DPH6: variants seen among roughly 807,000 people sequenced by gnomAD.
The protein encoded by DPH6 is diphthamine biosynthesis 6, also known as diphthine--ammonia ligase.
In DPH6, 33 loss-of-function variants were observed where a neutral mutation model predicts 38.2. The ratio of observed to expected loss-of-function variants is 0.86; its 90% CI spans 0.65 to 1.15. DPH6 has a LOEUF of 1.15. Ranked by LOEUF, DPH6 falls within the 50% of genes most tolerant of loss-of-function variation. DPH6 has a pLI of 0.00. For missense variants in DPH6, 325 were observed against 320.0 expected (o/e 1.02, Z -0.12); for synonymous variants, 108 against 103.0 (o/e 1.05, Z -0.30).
the DPH6 span, among the ~76,000 whole-genome samples, chr15:35,187,445 TGAACA>T: frequency 6.6e-6 from 1 of 152,348 alleles, no homozygotes; most frequent in East Asian, 1.9e-4. Flanking sequence ...CAAAATGAAC[TGAACA>T]GATTTTTTTT....
At chr15:35,179,614 T>A in the DPH6 span, among the ~76,000 whole-genome samples, 1 of 152,340 alleles carries the variant, frequency 6.6e-6, no homozygotes, top group East Asian at 1.9e-4. Context: ...TATTCACATA[T>A]ATGTGCATAC....
chr15:35,541,200 T>C (rs759202477), intron 2 of DPH6, among the ~76,000 whole-genome samples: 20 of 152,146 alleles, frequency 1.3e-4, no homozygotes, highest in Non-Finnish European at 2.6e-4. Flanking sequence ...ATAAAATATT[T>C]CTAAACTCTG....
At chr15:35,496,613 G>A (rs1486219844) in intron 3 of DPH6, among the ~76,000 whole-genome samples, 2 of 107,930 alleles carry the variant, frequency 1.9e-5, no homozygotes, top group African/African-American at 6.3e-5. Context: ...GAATATGAGA[G>A]AGATAAAGAG....
chr15:35,268,204 TAAATAAATAAATAAAAG>T (rs2051796701), intron 3 of DPH6, among the ~76,000 whole-genome samples: 1 of 148,462 alleles, frequency 6.7e-6, no homozygotes, highest in African/African-American at 2.5e-5. Context: ...AATAAATAAA[TAAATAAATAAATAAAAG>T]AAAACTGAAG....
intron 3 of DPH6, among the ~76,000 whole-genome samples, chr15:35,288,118 A>C (rs73393318): frequency 0.031 from 4,646 of 152,242 alleles, 208 homozygotes; most frequent in African/African-American, 0.1. Flanking sequence ...TGTCATGTTC[A>C]TTTTGTCAAC....
intron 6 of DPH6, among the ~76,000 whole-genome samples, chr15:35,397,579 G>C (rs2053152453): frequency 6.6e-6 from 1 of 152,096 alleles, no homozygotes; most frequent in South Asian, 2.1e-4. Context: ...GCCAGCAATG[G>C]GGAATGCTGA....
intron 3 of DPH6, among the ~76,000 whole-genome samples, chr15:35,475,715 C>T (rs544445542): frequency 8.6e-5 from 13 of 151,432 alleles, no homozygotes; most frequent in African/African-American, 3.1e-4. Flanking sequence ...TCCTTAATTT[C>T]CCAATTTAAA....
chr15:35,351,033 T>C (rs1411986957), intron 3 of DPH6, among the ~76,000 whole-genome samples: 1 of 152,186 alleles, frequency 6.6e-6, no homozygotes, highest in African/African-American at 2.4e-5. Context: ...AAAATCTCTA[T>C]CATTATTGTG....
At chr15:35,255,195 A>G (rs940878073) in intron 3 of DPH6, among the ~76,000 whole-genome samples, 17 of 152,218 alleles carry the variant, frequency 1.1e-4, no homozygotes, top group Non-Finnish European at 2.1e-4. Flanking sequence ...TCCTCAGGTG[A>G]CAGCCGAAGA....
chr15:35,337,570 T>C (rs2052383642), intron 3 of DPH6, among the ~76,000 whole-genome samples: 1 of 152,110 alleles, frequency 6.6e-6, no homozygotes, highest in South Asian at 2.1e-4. Context: ...TGCTCATGGG[T>C]AGGAGGAATC....
intron 3 of DPH6, among the ~76,000 whole-genome samples, chr15:35,511,337 C>T (rs112310911): frequency 3.3e-5 from 5 of 151,936 alleles, no homozygotes; most frequent in African/African-American, 7.3e-5. Context: ...TTAACTTAAG[C>T]GTTTAAATTG....
At chr15:35,516,093 T>C (rs2054843097) in intron 3 of DPH6, among the ~76,000 whole-genome samples, 1 of 152,108 alleles carries the variant, frequency 6.6e-6, no homozygotes, top group African/African-American at 2.4e-5. Context: ...TGCACAAACT[T>C]TGAGATCATA....
chr15:35,386,530 C>T (rs371737059), intron 6 of DPH6, among the ~76,000 whole-genome samples: 5,061 of 152,206 alleles, frequency 0.033, 113 homozygotes, highest in Non-Finnish European at 0.049. Context: ...TTTTAATGAT[C>T]GCCATTCTAA....
In DPH6 at chr15:35,522,849, T is replaced by C. The variant is rs75821163; in HGVS notation, c.312+15425A>G. Among the ~76,000 whole-genome samples the C allele has an allele frequency of 3.1e-3, 470 of 152,234 alleles. 3 individuals are homozygous for C. The East Asian group carries it at 0.035, about 11-fold the overall frequency. On this transcript the variant is annotated intron_variant, in intron 3 of 8. Coordinates refer to ENST00000256538, the MANE Select transcript of DPH6 (RefSeq NM_080650.4). The stretch of plus-strand genomic sequence containing the variant: ...TGCATGTACTTACACAAATGCATTG[T>C]AGAAAAATGTTATTATACCATACAG...
the DPH6 span, among the ~76,000 whole-genome samples, chr15:35,194,247 G>A: frequency 6.6e-6 from 1 of 152,036 alleles, no homozygotes; most frequent in Admixed American, 6.6e-5. Context: ...AAGAGCCTGG[G>A]GTTTCCTGAC....
chr15:35,305,550 T>G (rs1885918692), intron 3 of DPH6, among the ~76,000 whole-genome samples: 1 of 152,138 alleles, frequency 6.6e-6, no homozygotes. Context: ...ATCTCTTGAC[T>G]TGCCATAAAA....
In DPH6 at chr15:35,376,700, A is replaced by C. The variant is rs376284681; in HGVS notation, c.663-3092T>G. 3.9e-5 allele frequency among the ~76,000 whole-genome samples: 6 copies of C among 152,168 alleles called. No individual in the cohort carries two copies. The East Asian group carries it at 9.6e-4, about 24-fold the overall frequency. On this transcript the variant is annotated intron_variant, in intron 7 of 8. Transcript: ENST00000256538. Reference sequence around the variant, plus strand: ...TACCATTTAAAAAATTTTTTATATCATATTTTTACTGTACCTTTTCTATGC... The same window carrying C: ...TACCATTTAAAAAATTTTTTATATCCTATTTTTACTGTACCTTTTCTATGC...
intron 3 of DPH6, chr15:35,237,603 T>C: frequency 6.2e-7 from 1 of 1,603,358 alleles, no homozygotes; most frequent in Non-Finnish European, 8.5e-7. Flanking sequence ...CTCACGCATC[T>C]AAATTTATGT....
At chr15:35,232,262 A>T (rs1231306250) in intron 3 of DPH6, among the ~76,000 whole-genome samples, 1 of 152,206 alleles carries the variant, frequency 6.6e-6, no homozygotes, top group Non-Finnish European at 1.5e-5. Context: ...GATCACTAAT[A>T]ATTGACACAG....
Sources: allele counts gnomAD v4.1 joint callset (sites outside exome capture counted in the v4.1 genomes callset), GRCh38; gene constraint gnomAD v4.1.1; transcripts MANE v1.5; gene names NCBI Gene and HGNC (gene_info 2026-07-23, HGNC 2026-07-21).